ZNF273: variants seen among roughly 807,000 people sequenced by gnomAD.
ZNF273 encodes zinc finger protein 273.
Under a neutral mutation model 14.9 loss-of-function variants are expected in ZNF273, and 11 were observed. That is an observed-to-expected ratio of 0.74 (90% confidence interval 0.46 to 1.22). The LOEUF (loss-of-function observed/expected upper bound fraction) is 1.22. ZNF273 is among the 50% of genes most tolerant of loss of function. The pLI is 0.00. For missense variants in ZNF273, 577 were observed against 660.6 expected (o/e 0.87, Z 1.39); for synonymous variants, 199 against 223.9 (o/e 0.89, Z 0.99).
At chr7:64,936,614 A>T in the ZNF273 span, among the ~76,000 whole-genome samples, 7 of 152,260 alleles carry the variant, frequency 4.6e-5, no homozygotes, top group Non-Finnish European at 7.3e-5. Flanking sequence ...AAATTATAAT[A>T]TATTCCAGGT....
At chr7:64,932,372 G>T (rs1043249880), downstream of ZNF273, among the ~76,000 whole-genome samples, 1 of 151,970 alleles carries the variant, frequency 6.6e-6, no homozygotes, top group Non-Finnish European at 1.5e-5. Context: ...GTGCAATGGC[G>T]CGATCTTGGC....
intron 3 of ZNF273, among the ~76,000 whole-genome samples, chr7:64,921,637 T>TTTTTTTTTTTTTTTTTTTTG (rs750737426): frequency 1.4e-4 from 4 of 29,576 alleles, no homozygotes; most frequent in African/African-American, 6.2e-4. Flanking sequence ...TTTTTTTTTT[T>TTTTTTTTTTTTTTTTTTTTG]GTGTGTGAGA....
downstream of ZNF273, among the ~76,000 whole-genome samples, chr7:64,892,887 G>C (rs1244855220): frequency 6.6e-6 from 1 of 152,042 alleles, no homozygotes; most frequent in Non-Finnish European, 1.5e-5. Context: ...TTATGTAAGT[G>C]GGTCTTAAGT....
chr7:64,913,778 T>TA (rs1465400728), intron 1 of ZNF273, among the ~76,000 whole-genome samples: 1 of 152,218 alleles, frequency 6.6e-6, no homozygotes, highest in East Asian at 1.9e-4. Flanking sequence ...ACCTGCAGAA[T>TA]AACATTACAT....
intron 3 of ZNF273, among the ~76,000 whole-genome samples, chr7:64,919,273 C>T (rs1369738457): frequency 6.6e-6 from 1 of 152,140 alleles, no homozygotes; most frequent in African/African-American, 2.4e-5. Context: ...GGCACTTTAA[C>T]AATATTTATT....
the ZNF273 span, among the ~76,000 whole-genome samples, chr7:64,937,083 C>T: frequency 2.0e-5 from 3 of 152,060 alleles, no homozygotes; most frequent in Non-Finnish European, 2.9e-5. Context: ...TATTACCTGG[C>T]GCAATAGAAA....
intron 3 of ZNF273, among the ~76,000 whole-genome samples, chr7:64,921,888 C>A (rs1794489129): frequency 6.6e-6 from 1 of 151,956 alleles, no homozygotes; most frequent in African/African-American, 2.4e-5. Context: ...CTCGGCCTCC[C>A]AAAGTGCTGG....
At chr7:64,919,940 A>G (rs993487374) in intron 3 of ZNF273, among the ~76,000 whole-genome samples, 5 of 151,742 alleles carry the variant, frequency 3.3e-5, no homozygotes, top group African/African-American at 1.2e-4. Flanking sequence ...CTTCTAATAC[A>G]TACTTCCAGT....
chr7:64,909,477 C>A (rs188642519), intron 1 of ZNF273, among the ~76,000 whole-genome samples: 1 of 152,210 alleles, frequency 6.6e-6, no homozygotes, highest in African/African-American at 2.4e-5. Context: ...GATCTGCCTA[C>A]CTTGGCCCCC....
chr7:64,897,054 T>C (rs1792409473), intron 3 of ZNF273, among the ~76,000 whole-genome samples: 1 of 152,078 alleles, frequency 6.6e-6, no homozygotes, highest in Non-Finnish European at 1.5e-5. Context: ...GCACAAAAAC[T>C]ATAGAAGCAG....
intron 3 of ZNF273, among the ~76,000 whole-genome samples, chr7:64,925,655 G>A (rs1794734798): frequency 6.6e-6 from 1 of 151,988 alleles, no homozygotes; most frequent in South Asian, 2.1e-4. Flanking sequence ...GGCCAGGTTG[G>A]TCTCGAACTC....
intron 1 of ZNF273, among the ~76,000 whole-genome samples, chr7:64,915,960 T>C (rs758523001): frequency 1.3e-5 from 2 of 151,846 alleles, no homozygotes; most frequent in Non-Finnish European, 2.9e-5. Context: ...CTTTGGGAGG[T>C]TGAGGTGGGC....
At chr7:64,934,424 A>G (rs79844341), downstream of ZNF273, among the ~76,000 whole-genome samples, 7,439 of 152,072 alleles carry the variant, frequency 0.049, 564 homozygotes, top group African/African-American at 0.16. Context: ...CTTTTACTCT[A>G]TATTTTTTGT....
At chr7:64,916,564 A>C (rs915572969) in intron 1 of ZNF273, among the ~76,000 whole-genome samples, 2 of 147,920 alleles carry the variant, frequency 1.4e-5, no homozygotes, top group Non-Finnish European at 3.0e-5. Context: ...AAAAAAAAAA[A>C]ACCATACACA....
downstream of ZNF273, among the ~76,000 whole-genome samples, chr7:64,884,649 C>T (rs13233552): frequency 0.42 from 63,295 of 151,914 alleles, 13,411 homozygotes; most frequent in South Asian, 0.45. Flanking sequence ...TGACACCCTC[C>T]TCTGGGGTCT....
Position 64,929,207 on chromosome 7 carries a change from C to T in ZNF273, c.*169C>T. On this transcript the variant is annotated 3_prime_UTR_variant, in exon 4 of 4. Coordinates refer to ENST00000476120, the MANE Select transcript of ZNF273 (RefSeq NM_021148.3). ...AATGGAAAAGTCATTAATATCTGCT[C>T]ATATCTTAACATCAGCGAGTTGGTA... 1 of 403,314 alleles carries T rather than the reference C, an allele frequency of 2.5e-6. No homozygotes were observed. Among genetic ancestry groups the T allele is most frequent in the East Asian group, 4.1e-5 (1 of 24,600 alleles). The allele number at this position is 403,314 out of a possible 1,614,324, so 25.0% of individuals were successfully genotyped here.
In ZNF273 at chr7:64,922,906, C is replaced by T. The variant is rs188266206; in HGVS notation, c.325+4614C>T. 1.8e-3 allele frequency among the ~76,000 whole-genome samples: 272 copies of T among 151,884 alleles called. 1 individual carries two copies. The highest frequency in any genetic ancestry group is 6.3e-3 in the African/African-American group (262 of 41,396). ...GCTTGAGCTGAGGATGTGGAGGCTG[C>T]AGTGAGCCAAGATGGTGCTGCTGCA... is the stretch of plus-strand genomic sequence containing the variant. On this transcript the variant is annotated intron_variant, in intron 3 of 3. Transcript: ENST00000476120.
intron 3 of ZNF273, among the ~76,000 whole-genome samples, chr7:64,896,706 C>T (rs1583972152): frequency 6.6e-6 from 1 of 151,970 alleles, no homozygotes; most frequent in Non-Finnish European, 1.5e-5. Context: ...TAATGCAGAT[C>T]GCAGCTCCAA....
chr7:64,915,460 A>G (rs918585470), intron 1 of ZNF273, among the ~76,000 whole-genome samples: 8 of 152,222 alleles, frequency 5.3e-5, no homozygotes, highest in Non-Finnish European at 1.0e-4. Flanking sequence ...ATTATAGATT[A>G]AAAGTAGTTC....
Sources: allele counts gnomAD v4.1 joint callset (sites outside exome capture counted in the v4.1 genomes callset), GRCh38; gene constraint gnomAD v4.1.1; transcripts MANE v1.5; gene names NCBI Gene and HGNC (gene_info 2026-07-23, HGNC 2026-07-21).